The following WDR20 variants were observed in gnomAD, a reference collection of about 807,000 sequenced individuals.
WDR20 encodes the protein WD repeat-containing protein 20.
WDR20 carries 3 observed loss-of-function variants against 38.7 expected under a neutral mutation model. The observed-to-expected ratio is 0.08, with a 90% CI of 0.04 to 0.20. WDR20 has a LOEUF of 0.20. WDR20 is among the 10% of genes least tolerant of loss of function. The pLI is 1.00. For synonymous variants in WDR20, 298 were observed against 285.6 expected, an observed-to-expected ratio of 1.04 and a Z score of -0.44; for missense variants, 559 against 727.7, an observed-to-expected ratio of 0.77 and a Z score of 2.67.
At chr14:102,189,762 G>C (rs1359450039) in intron 1 of WDR20, among the ~76,000 whole-genome samples, 1 of 152,100 alleles carries the variant, frequency 6.6e-6, no homozygotes, top group Non-Finnish European at 1.5e-5. Flanking sequence ...CTATACAGTG[G>C]TAACTGTTTA....
intron 1 of WDR20, among the ~76,000 whole-genome samples, chr14:102,184,813 C>T (rs1334103281): frequency 6.6e-6 from 1 of 152,192 alleles, no homozygotes; most frequent in South Asian, 2.1e-4. Context: ...GTCTAATTCT[C>T]TGTGCCGCCT....
chr14:102,164,758 C>T (rs141994743), intron 1 of WDR20, among the ~76,000 whole-genome samples: 1 of 152,176 alleles, frequency 6.6e-6, no homozygotes, highest in Non-Finnish European at 1.5e-5. Flanking sequence ...GTTCTTTCTA[C>T]TCTACCTAGA....
At chr14:102,203,816 T>TC (rs2060980389) in intron 2 of WDR20, among the ~76,000 whole-genome samples, 1 of 152,146 alleles carries the variant, frequency 6.6e-6, no homozygotes. Context: ...GAGCACTGAC[T>TC]AAGATTTTTT....
rs552298042 is a variant in WDR20, at chr14:102,173,098, GTTTTTTATTTTTA to G, written c.250-21820_250-21808del. Among the ~76,000 whole-genome samples the G allele has an allele frequency of 1.6e-4, 25 of 151,808 alleles. 1 individual carries two copies. The highest frequency in any genetic ancestry group is 1.0e-3 in the South Asian group (5 of 4,804). ...CCTCACTTCCTAGATGGGATGGCCT[GTTTTTTATTTTTA>G]TTTTTTATTTTTATTTTTTTGGAGG... On this transcript the variant is annotated intron_variant, in intron 1 of 2. Transcript: ENST00000342702.
At chr14:102,212,381 C>G (rs959088568), downstream of WDR20, 10 of 926,576 alleles carry the variant, frequency 1.1e-5, 1 homozygote, top group Admixed American at 4.6e-5. Context: ...CAGTGGAGAG[C>G]ACTGTGCCAG....
At chr14:102,164,637 T>A (rs1248743830) in intron 1 of WDR20, among the ~76,000 whole-genome samples, 3 of 152,248 alleles carry the variant, frequency 2.0e-5, no homozygotes, top group Non-Finnish European at 4.4e-5. Context: ...TCAGCAGCAT[T>A]TGACACAATT....
At chr14:102,224,615 G>T (rs769829937), downstream of WDR20, 3 of 455,954 alleles carry the variant, frequency 6.6e-6, no homozygotes, top group South Asian at 4.6e-5. Context: ...TTGAGGGGAG[G>T]TATGCTACAT....
chr14:102,209,725 G>A lies in WDR20; in HGVS notation c.1555G>A (p.Asp519Asn). 6.2e-7 allele frequency: 1 copy of A among 1,614,152 alleles called. No individual in the cohort carries two copies. Among genetic ancestry groups the A allele is most frequent in the African/African-American group, 1.3e-5 (1 of 75,050 alleles). ...LGTPLCPRME[D>N]VPLLEPLICK... is the part of the protein sequence containing the mutation. ...AACGCCCCTGTGTCCTCGAATGGAA[G>A]ATGTTCCCTTGTTAGAGCCGCTGAT... is the stretch of plus-strand genomic sequence containing the variant. The change falls in exon 3 of 3, where the codon GAT becomes AAT. Residue 519 changes from aspartate to asparagine, a missense_variant. Coordinates refer to ENST00000342702, the MANE Select transcript of WDR20 (RefSeq NM_144574.4). The surrounding 1 kb of genome is among the most constrained non-coding windows in gnomAD (Gnocchi z 6.0).
At chr14:102,156,578 G>A (rs530334902) in intron 1 of WDR20, among the ~76,000 whole-genome samples, 1 of 151,812 alleles carries the variant, frequency 6.6e-6, no homozygotes, top group South Asian at 2.1e-4. Context: ...TGGAAACCGG[G>A]TCTCACTGCA....
intron 1 of WDR20, among the ~76,000 whole-genome samples, chr14:102,142,033 A>G (rs979714007): frequency 2.6e-5 from 4 of 152,198 alleles, no homozygotes; most frequent in Non-Finnish European, 5.9e-5. Context: ...TATCATTACA[A>G]TAGTGTTCTC....
chr14:102,164,449 G>A (rs566305928), intron 1 of WDR20, among the ~76,000 whole-genome samples: 158 of 152,206 alleles, frequency 1.0e-3, no homozygotes, highest in African/African-American at 2.0e-3. Flanking sequence ...AGTGACATGC[G>A]GGATCTTGTC....
chr14:102,208,120 A>G lies in WDR20; in HGVS notation c.433-483A>G, dbSNP rs1229715390. Among the ~76,000 whole-genome samples the G allele has an allele frequency of 3.3e-5, 5 of 152,202 alleles. No individual in the cohort carries two copies. The highest frequency in any genetic ancestry group is 7.3e-5 in the Non-Finnish European group (5 of 68,042). On this transcript the variant is annotated intron_variant, in intron 2 of 2. Coordinates refer to ENST00000342702, the MANE Select transcript of WDR20 (RefSeq NM_144574.4). This position sits in a 1 kb window ranked among gnomAD's most constrained non-coding sequence, Gnocchi z 5.6. ...GAGGGGCAGATGGAACCAGCCCATT[A>G]CCTACAGTGACAGTAAAGGCAGAGG... is the stretch of plus-strand genomic sequence containing the variant.
At chr14:102,202,330 T>G (rs1192052955) in intron 2 of WDR20, among the ~76,000 whole-genome samples, 1 of 151,818 alleles carries the variant, frequency 6.6e-6, no homozygotes, top group East Asian at 1.9e-4. Flanking sequence ...GCTTGGATAT[T>G]CCTTCTGCTT....
intron 1 of WDR20, among the ~76,000 whole-genome samples, chr14:102,173,123 TA>T (rs896029155): frequency 6.6e-6 from 1 of 151,760 alleles, no homozygotes; most frequent in Non-Finnish European, 1.5e-5. Flanking sequence ...TTTTTATTTT[TA>T]TTTTTTTGGA....
At chr14:102,213,593 C>A (rs78735136), downstream of WDR20, 4 of 985,350 alleles carry the variant, frequency 4.1e-6, no homozygotes, top group Non-Finnish European at 4.8e-6. Flanking sequence ...GCAAGGACAC[C>A]GTCCGGGCGG....
chr14:102,159,568 G>A (rs963189637), intron 1 of WDR20, among the ~76,000 whole-genome samples: 2 of 152,088 alleles, frequency 1.3e-5, no homozygotes, highest in South Asian at 2.1e-4. Context: ...GTGCGGTGGC[G>A]CACGCCGGTA....
chr14:102,162,588 T>C (rs550903893), intron 1 of WDR20, among the ~76,000 whole-genome samples: 2 of 150,120 alleles, frequency 1.3e-5, no homozygotes, highest in Admixed American at 6.6e-5. Flanking sequence ...TCTCTCTCTT[T>C]CTTTCTTTTT....
intron 1 of WDR20, among the ~76,000 whole-genome samples, chr14:102,190,465 C>T (rs931113182): frequency 1.3e-5 from 2 of 151,986 alleles, no homozygotes; most frequent in South Asian, 2.1e-4. Flanking sequence ...TGGTGGCAGG[C>T]GCCTTTAATC....
chr14:102,140,569 C>T (rs997711968), intron 1 of WDR20, among the ~76,000 whole-genome samples: 1 of 152,104 alleles, frequency 6.6e-6, no homozygotes, highest in Non-Finnish European at 1.5e-5. Context: ...GAAGTCTCGC[C>T]CTGGGTTAGA....
Sources: allele counts gnomAD v4.1 joint callset (sites outside exome capture counted in the v4.1 genomes callset), GRCh38; gene constraint gnomAD v4.1.1; non-coding constraint Gnocchi (gnomAD v3.1); transcripts MANE v1.5; gene names NCBI Gene and HGNC (gene_info 2026-07-23, HGNC 2026-07-21).